DNAH11: variants seen among roughly 807,000 people sequenced by gnomAD.
DNAH11 encodes dynein axonemal heavy chain 11.
DNAH11 carries 442 observed loss-of-function variants against 526.0 expected under a neutral mutation model. That is an observed-to-expected ratio of 0.84 (90% CI 0.78 to 0.91). The LOEUF (loss-of-function observed/expected upper bound fraction) is 0.91. Among genes scored for constraint, DNAH11 ranks in the 40% least tolerant of loss-of-function variants. DNAH11 has a pLI of 0.00. For missense variants in DNAH11, 6,989 were observed against 5,448.7 expected (o/e 1.28, Z -8.90); for synonymous variants, 2,461 against 1,935.9 (o/e 1.27, Z -7.12).
In DNAH11 at chr7:21,825,401, G is replaced by A. The variant is rs76162027; in HGVS notation, c.10691+7062G>A. On this transcript the variant is annotated intron_variant, in intron 65 of 81. Coordinates refer to ENST00000409508, the MANE Select transcript of DNAH11 (RefSeq NM_001277115.2). Reference sequence around the variant, plus strand: ...TGTTCTATAGTGAGATAGTTGGGTTGTAGAACTTATGCACAATCAACTTTA... The same window carrying A: ...TGTTCTATAGTGAGATAGTTGGGTTATAGAACTTATGCACAATCAACTTTA... 4.0e-3 allele frequency among the ~76,000 whole-genome samples: 613 copies of A among 152,296 alleles called. 3 individuals carry two copies. The highest frequency in any genetic ancestry group is 0.014 in the African/African-American group (588 of 41,564).
At position 21,748,624 on chromosome 7, in the gene DNAH11, T is replaced by C. The variant is rs753843919; in HGVS notation, c.8555T>C (p.Leu2852Pro). 4 of 1,612,328 alleles carry C rather than the reference T, an allele frequency of 2.5e-6. No individual in the cohort carries two copies. Among genetic ancestry groups the C allele is most frequent in the African/African-American group, 1.3e-5 (1 of 75,012 alleles). The change falls in exon 52 of 82, where the codon CTC (leucine) becomes CCC (proline). Residue 2852 changes from leucine to proline, a missense_variant. Physicochemically the swap from Leu to Pro is moderately conservative, Grantham distance 98 (BLOSUM62 -3). Coordinates refer to ENST00000409508, the MANE Select transcript of DNAH11 (RefSeq NM_001277115.2). ...RILRTPQGCA[L>P]LVGVGGSGKQ... Reference sequence around the variant, plus strand: ...TTACGAACCCCTCAGGGCTGTGCTCTCTTGGTTGGAGTTGGGGGCAGTGGC... The same window carrying C: ...TTACGAACCCCTCAGGGCTGTGCTCCCTTGGTTGGAGTTGGGGGCAGTGGC...
At chr7:21,810,997 C>G (rs1279552748) in intron 63 of DNAH11, among the ~76,000 whole-genome samples, 1 of 152,184 alleles carries the variant, frequency 6.6e-6, no homozygotes, top group Non-Finnish European at 1.5e-5. Context: ...TTTATAGCAG[C>G]ACTATTCACA....
chr7:21,731,007 G>A (rs1168617248), intron 45 of DNAH11, among the ~76,000 whole-genome samples: 1 of 152,064 alleles, frequency 6.6e-6, no homozygotes, highest in Admixed American at 6.5e-5. Context: ...AGCTAGGTGT[G>A]GTGGTGTGCG....
chr7:21,892,461 G>A lies in DNAH11; in HGVS notation c.12544G>A (p.Ala4182Thr). ...ACTGATGCTGGCACCAGGTTTTGCT[G>A]CCCCACCCTACCTAGATTATGCAGG... Reference protein sequence around the residue: ...DELMLAPGFAAPPYLDYAGYH... With the variant: ...DELMLAPGFATPPYLDYAGYH... The change falls in exon 77 of 82, where the codon GCC becomes ACC. Residue 4182 changes from alanine (A) to threonine (T), a missense_variant. Transcript: ENST00000409508. 3 of 1,612,746 alleles carry A rather than the reference G, an allele frequency of 1.9e-6. No individual in the cohort carries two copies. The South Asian group carries it at 3.3e-5, about 18-fold the overall frequency.
intron 34 of DNAH11, among the ~76,000 whole-genome samples, chr7:21,688,603 C>T (rs937964242): frequency 6.6e-6 from 1 of 152,202 alleles, no homozygotes; most frequent in Non-Finnish European, 1.5e-5. Context: ...TACTGGAGGT[C>T]TCCCAGGCTT....
At chr7:21,770,346 G>A (rs1787381431) in intron 55 of DNAH11, among the ~76,000 whole-genome samples, 1 of 152,172 alleles carries the variant, frequency 6.6e-6, no homozygotes, top group South Asian at 2.1e-4. Context: ...ATAAGATTTT[G>A]AAGAATTTTG....
chr7:21,607,402 C>G (rs1379874767), intron 20 of DNAH11, among the ~76,000 whole-genome samples: 2 of 152,110 alleles, frequency 1.3e-5, no homozygotes, highest in Admixed American at 6.5e-5. Flanking sequence ...TGGCATCACC[C>G]TCACAGACAC....
intron 65 of DNAH11, among the ~76,000 whole-genome samples, chr7:21,828,592 T>C (rs1369530410): frequency 6.6e-6 from 1 of 152,192 alleles, no homozygotes; most frequent in African/African-American, 2.4e-5. Flanking sequence ...TCAGATTCTT[T>C]TATTTTCTTT....
intron 56 of DNAH11, among the ~76,000 whole-genome samples, chr7:21,777,414 G>A (rs1397461403): frequency 2.0e-5 from 3 of 151,540 alleles, no homozygotes; most frequent in Non-Finnish European, 2.9e-5. Flanking sequence ...TTTTTTGTAG[G>A]CATAAATCCA....
At chr7:21,706,552 T>C (rs1229689693) in intron 39 of DNAH11, among the ~76,000 whole-genome samples, 4 of 152,166 alleles carry the variant, frequency 2.6e-5, no homozygotes, top group African/African-American at 9.7e-5. Flanking sequence ...TTTGTTAGAG[T>C]AAGTTACAGA....
intron 41 of DNAH11, among the ~76,000 whole-genome samples, chr7:21,711,304 C>T (rs953470208): frequency 1.3e-5 from 2 of 152,144 alleles, no homozygotes; most frequent in South Asian, 4.1e-4. Context: ...ACTGCTTACT[C>T]AACTGAGACA....
chr7:21,789,955 T>C (rs1482422397), intron 61 of DNAH11, among the ~76,000 whole-genome samples: 2 of 145,856 alleles, frequency 1.4e-5, no homozygotes, highest in African/African-American at 5.2e-5. Flanking sequence ...AGGGTGGATG[T>C]GCAGGCTTGT....
At chr7:21,561,034 T>C (rs1468660427) in intron 4 of DNAH11, 37 bp from the exon 5 acceptor site, 1 of 1,401,542 alleles carries the variant, frequency 7.1e-7, no homozygotes, top group East Asian at 2.5e-5. Context: ...ATCGAGTTTA[T>C]ATTTATTAAA....
Position 21,868,974 on chromosome 7 carries a change from C to T in DNAH11, c.11950C>T (p.His3984Tyr), listed in dbSNP as rs1783392328. The T allele has an allele frequency of 3.1e-6, 5 of 1,613,826 alleles. No homozygotes were observed. Among genetic ancestry groups the T allele is most frequent in the African/African-American group, 1.3e-5 (1 of 74,910 alleles). ...VALEKASKGGHWVILQNVHLV... is the reference protein window; with the variant it reads ...VALEKASKGGYWVILQNVHLV... ...CCTGGAGAAAGCTTCCAAAGGAGGA[C>T]ACTGGGTCATCCTCCAAGTGAGTAT... Residue 3984 changes from histidine to tyrosine, a missense_variant, in exon 73 of 82, where the codon CAC becomes TAC. By Grantham distance (83) the His-to-Tyr change is moderately conservative (BLOSUM62 2). Transcript: ENST00000409508.
At chr7:21,786,455 C>A (rs11496011) in intron 58 of DNAH11, among the ~76,000 whole-genome samples, 169 bp from the exon 59 acceptor site, 1 of 151,992 alleles carries the variant, frequency 6.6e-6, no homozygotes, top group Non-Finnish European at 1.5e-5. Flanking sequence ...AGAACTGAAC[C>A]TCCTGGAGTT....
In DNAH11 at chr7:21,600,084, C is replaced by A. The variant is rs753010997; in HGVS notation, c.2965C>A (p.Arg989=). 1 of 1,554,062 alleles carries A rather than the reference C, an allele frequency of 6.4e-7. No individual in the cohort carries two copies. Among genetic ancestry groups the A allele is most frequent in the South Asian group, 1.2e-5 (1 of 80,928 alleles). Residue 989 remains arginine (R), a synonymous_variant, in exon 15 of 82, where the codon CGA becomes AGA. Transcript: ENST00000409508. ...TTTTAGAATGTCTGCCCAGATGAAC[C>A]GAATAGCAACACACCTGGAAATTAA... ...NSFRMSAQMN[R]IATHLEIKNY... is the part of the protein sequence containing the mutation.
chr7:21,663,120 C>T (rs1192348438), intron 30 of DNAH11, among the ~76,000 whole-genome samples: 1 of 152,090 alleles, frequency 6.6e-6, no homozygotes, highest in Non-Finnish European at 1.5e-5. Flanking sequence ...ATAATGACCT[C>T]TAGTTCCCTG....
chr7:21,876,141 C>T (rs1783703101), intron 74 of DNAH11, among the ~76,000 whole-genome samples: 1 of 152,040 alleles, frequency 6.6e-6, no homozygotes, highest in South Asian at 2.1e-4. Context: ...GCCTCGGCAT[C>T]CGAAGTGCTG....
chr7:21,741,179 G>T (rs980657602), intron 48 of DNAH11, among the ~76,000 whole-genome samples: 7 of 152,160 alleles, frequency 4.6e-5, no homozygotes, highest in Non-Finnish European at 7.4e-5. Context: ...AATTTCATAT[G>T]ATGAGAATCA....
Sources: allele counts gnomAD v4.1 joint callset (sites outside exome capture counted in the v4.1 genomes callset), GRCh38; gene constraint gnomAD v4.1.1; transcripts MANE v1.5; gene names NCBI Gene and HGNC (gene_info 2026-07-23, HGNC 2026-07-21).